Variants in PICALM observed in about 807,000 individuals in gnomAD.
PICALM encodes the protein phosphatidylinositol-binding clathrin assembly protein.
In PICALM, 40 loss-of-function variants were observed where a neutral mutation model predicts 80.5. The observed-to-expected ratio is 0.50, with a 90% CI of 0.39 to 0.65. PICALM has a LOEUF of 0.65. Among genes scored for constraint, PICALM ranks in the 30% least tolerant of loss-of-function variants. The pLI, the probability that PICALM is intolerant of heterozygous loss-of-function variation, is 0.00. For missense variants in PICALM, 676 were observed against 778.9 expected, an observed-to-expected ratio of 0.87 and a Z score of 1.57; for synonymous variants, 288 against 260.3, an observed-to-expected ratio of 1.11 and a Z score of -1.02.
At chr11:85,959,493 C>A (rs556552251) in intron 19 of PICALM, among the ~76,000 whole-genome samples, 6 of 151,664 alleles carry the variant, frequency 4.0e-5, no homozygotes, top group Admixed American at 6.6e-5. Context: ...ATTAGCCAGG[C>A]GTGGTGGCGG....
At chr11:85,963,244 T>C (rs1338446229) in intron 19 of PICALM, among the ~76,000 whole-genome samples, 2 of 151,916 alleles carry the variant, frequency 1.3e-5, no homozygotes, top group African/African-American at 4.8e-5. Flanking sequence ...AAGCACAAAA[T>C]CATCAAATTT....
At chr11:86,043,604 G>C (rs1315021931) in intron 1 of PICALM, among the ~76,000 whole-genome samples, 1 of 152,048 alleles carries the variant, frequency 6.6e-6, no homozygotes. Context: ...CTGTCTCTTT[G>C]TATCTTCCAC....
At chr11:85,990,482 G>C in intron 12 of PICALM, 83 bp from the exon 13 acceptor site, 1 of 744,400 alleles carries the variant, frequency 1.3e-6, no homozygotes, top group Non-Finnish European at 2.0e-6. Context: ...GATGCAAAGT[G>C]AAAAGTAGTA....
At chr11:85,971,397 G>A (rs996952046) in intron 19 of PICALM, among the ~76,000 whole-genome samples, 1 of 151,872 alleles carries the variant, frequency 6.6e-6, no homozygotes, top group African/African-American at 2.4e-5. Context: ...TCTGTGAAAC[G>A]GTTATGTGGG....
intron 8 of PICALM, among the ~76,000 whole-genome samples, chr11:86,006,797 C>A (rs575715532): frequency 6.6e-6 from 1 of 152,204 alleles, no homozygotes; most frequent in Non-Finnish European, 1.5e-5. Flanking sequence ...AACAGAGAAT[C>A]AGCCAGAACA....
chr11:85,987,663 G>T (rs1012138820), intron 13 of PICALM, among the ~76,000 whole-genome samples: 5 of 152,124 alleles, frequency 3.3e-5, no homozygotes, highest in African/African-American at 1.2e-4. Flanking sequence ...TGAGAGATAG[G>T]GTCTTGCATG....
At chr11:85,986,842 T>A (rs1256197619) in intron 13 of PICALM, among the ~76,000 whole-genome samples, 3 of 152,234 alleles carry the variant, frequency 2.0e-5, no homozygotes, top group Admixed American at 2.0e-4. Flanking sequence ...GAGTTAAGGT[T>A]AACTTTATGA....
rs185040265 is a variant in PICALM, at chr11:85,974,421, C to A, written c.1944+287G>T. 40 of 551,686 alleles carry A rather than the reference C, an allele frequency of 7.3e-5. No individual in the cohort carries two copies. The East Asian group carries it at 1.8e-3, about 24-fold the overall frequency. The allele number at this position is 551,686 out of a possible 1,614,324, so 34.2% of individuals were successfully genotyped here. On this transcript the variant is annotated intron_variant, in intron 19 of 19. Coordinates refer to ENST00000393346, the MANE Select transcript of PICALM (RefSeq NM_007166.4). ...CACAAAGGATACTACACCAGAATCA[C>A]GAAGAGCAAGTAGGCTCCTTAATCT...
intron 19 of PICALM, among the ~76,000 whole-genome samples, chr11:85,974,167 A>G (rs2135542261): frequency 6.6e-6 from 1 of 152,360 alleles, no homozygotes; most frequent in African/African-American, 2.4e-5. Context: ...AAGTCTCTGG[A>G]TTAAACCATC....
At chr11:85,981,354 C>T in intron 16 of PICALM, 126 bp from the exon 17 acceptor site, 2 of 619,730 alleles carry the variant, frequency 3.2e-6, no homozygotes, top group South Asian at 2.0e-5. Context: ...GCCTGTAATC[C>T]CAGCACTTTG....
chr11:86,011,855 T>G (rs11234512), intron 6 of PICALM, among the ~76,000 whole-genome samples: 2 of 150,244 alleles, frequency 1.3e-5, no homozygotes, highest in Non-Finnish European at 3.0e-5. Context: ...CTTTTTGTTT[T>G]TTTTTTTTTT....
intron 13 of PICALM, 32 bp downstream of exon 13, chr11:85,990,218 T>G: frequency 7.1e-7 from 1 of 1,400,410 alleles, no homozygotes; most frequent in African/African-American, 1.4e-5. Flanking sequence ...GTATAAACAT[T>G]GATTGGAAAA....
intron 4 of PICALM, among the ~76,000 whole-genome samples, chr11:86,019,114 T>G (rs2095526253): frequency 6.6e-6 from 1 of 152,104 alleles, no homozygotes; most frequent in Non-Finnish European, 1.5e-5. Context: ...TTCTTAAATT[T>G]TATTACTTTT....
intron 1 of PICALM, among the ~76,000 whole-genome samples, chr11:86,065,924 C>T (rs1231489554): frequency 2.0e-5 from 3 of 152,080 alleles, no homozygotes; most frequent in Non-Finnish European, 4.4e-5. Context: ...AGGGCTTATA[C>T]GAAAAACAAC....
rs897358477 is a variant in PICALM, at chr11:85,991,052, G to A, written c.1259-653C>T. Among the ~76,000 whole-genome samples the A allele has an allele frequency of 2.0e-5, 3 of 152,104 alleles. No homozygotes were observed. In the East Asian group the frequency reaches 5.8e-4, roughly 29 times the overall value. On this transcript the variant is annotated intron_variant, in intron 12 of 19. Transcript: ENST00000393346. ...GAATTGCTAAAGGAACAACAAAAGTGTTGTTTGCCTACTAGAATGATATAA... is the reference window on the plus strand; with the variant it reads ...GAATTGCTAAAGGAACAACAAAAGTATTGTTTGCCTACTAGAATGATATAA...
chr11:86,006,385 C>T (rs954770785), intron 8 of PICALM, among the ~76,000 whole-genome samples: 4 of 152,166 alleles, frequency 2.6e-5, no homozygotes, highest in African/African-American at 7.2e-5. Context: ...TGGTGGTTCA[C>T]GCCTGTAATC....
At chr11:86,010,954 A>G (rs1263608483) in intron 7 of PICALM, 76 bp downstream of exon 7, 2 of 689,952 alleles carry the variant, frequency 2.9e-6, no homozygotes, top group Non-Finnish European at 5.2e-6. Context: ...TTATTTGGAT[A>G]GTGAGTGATG....
At chr11:86,006,640 T>C (rs1346064752) in intron 8 of PICALM, among the ~76,000 whole-genome samples, 1 of 151,922 alleles carries the variant, frequency 6.6e-6, no homozygotes, top group Non-Finnish European at 1.5e-5. Flanking sequence ...ATAGCAAAAC[T>C]CTATGTCAAA....
intron 3 of PICALM, among the ~76,000 whole-genome samples, chr11:86,023,104 A>G (rs2095594492): frequency 6.6e-6 from 1 of 152,176 alleles, no homozygotes. Context: ...AAATCTAATC[A>G]ATATTATTTT....
Sources: gnomAD v4.1 joint callset for allele counts (sites outside exome capture counted in the v4.1 genomes callset) on GRCh38, gnomAD v4.1.1 for gene constraint, MANE v1.5 for transcripts, NCBI Gene and HGNC (gene_info 2026-07-23, HGNC 2026-07-21) for gene names.